KCNIP1: variants seen among roughly 807,000 people sequenced by gnomAD.
The protein encoded by KCNIP1 is potassium voltage-gated channel interacting protein 1.
In KCNIP1, 18 loss-of-function variants were observed where a neutral mutation model predicts 33.0. The observed-to-expected ratio is 0.55, with a 90% CI of 0.38 to 0.81. The LOEUF (loss-of-function observed/expected upper bound fraction) is 0.81, where lower values mean the gene tolerates loss of function less well. Among genes scored for constraint, KCNIP1 ranks in the 30% least tolerant of loss-of-function variants. KCNIP1 has a pLI of 0.00. For missense variants in KCNIP1, 238 were observed against 271.6 expected (o/e 0.88, Z 0.87); for synonymous variants, 93 against 98.3 (o/e 0.95, Z 0.32).
intron 2 of KCNIP1, among the ~76,000 whole-genome samples, chr5:170,719,645 A>G (rs965929819): frequency 9.2e-5 from 14 of 152,088 alleles, no homozygotes; most frequent in Non-Finnish European, 1.6e-4. Context: ...TCAGTTCCAA[A>G]CTGACCACAG....
intron 1 of KCNIP1, among the ~76,000 whole-genome samples, chr5:170,623,014 A>C (rs1464964122): frequency 1.3e-5 from 2 of 152,210 alleles, no homozygotes; most frequent in African/African-American, 4.8e-5. Flanking sequence ...GATTCTCATA[A>C]GGAGTGAGCA....
At chr5:170,578,318 T>A (rs1757673908) in intron 1 of KCNIP1, among the ~76,000 whole-genome samples, 1 of 151,896 alleles carries the variant, frequency 6.6e-6, no homozygotes, top group Admixed American at 6.6e-5. Flanking sequence ...ATTCAAAGAG[T>A]CTGAGAAAGT....
chr5:170,444,880 C>T, intron 1 of KCNIP1, among the ~76,000 whole-genome samples: 1 of 152,062 alleles, frequency 6.6e-6, no homozygotes, highest in Middle Eastern at 3.2e-3. Flanking sequence ...AAATAAAACC[C>T]CCTCCAGCTG....
At chr5:170,563,348 A>G (rs565532560) in intron 1 of KCNIP1, among the ~76,000 whole-genome samples, 1 of 152,288 alleles carries the variant, frequency 6.6e-6, no homozygotes, top group South Asian at 2.1e-4. Flanking sequence ...AGTGGCTGCT[A>G]TTGATGGAAC....
At chr5:170,455,472 T>G (rs1039550192) in intron 1 of KCNIP1, among the ~76,000 whole-genome samples, 1 of 152,238 alleles carries the variant, frequency 6.6e-6, no homozygotes, top group African/African-American at 2.4e-5. Flanking sequence ...CCCAAAGTGC[T>G]GGGATTATAG....
intron 1 of KCNIP1, among the ~76,000 whole-genome samples, chr5:170,512,785 C>T (rs1581258072): frequency 6.6e-6 from 1 of 152,226 alleles, no homozygotes; most frequent in Middle Eastern, 3.4e-3. Flanking sequence ...CGCGGTGGCT[C>T]ACGCCTGTAA....
chr5:170,456,876 G>T (rs542646100), intron 1 of KCNIP1, among the ~76,000 whole-genome samples: 34 of 151,922 alleles, frequency 2.2e-4, no homozygotes, highest in Middle Eastern at 3.4e-3. Context: ...GCACCACCAT[G>T]TCCAGCTAAT....
chr5:170,568,177 T>C (rs1257200511), intron 1 of KCNIP1, among the ~76,000 whole-genome samples: 1 of 152,206 alleles, frequency 6.6e-6, no homozygotes, highest in Non-Finnish European at 1.5e-5. Flanking sequence ...GCCATTCTTA[T>C]TGCTGGAACA....
rs1763572667 is a variant in KCNIP1, at chr5:170,714,430, G to C, written c.62-4328G>C. ...CAAAGCCAGTTAGTGAGAAGGTTTA[G>C]AAGAGATCTCCTATGCTAGAATAGC... is the stretch of plus-strand genomic sequence containing the variant. On this transcript the variant is annotated intron_variant, in intron 1 of 7. Transcript: ENST00000328939. 2.0e-5 allele frequency among the ~76,000 whole-genome samples: 3 copies of C among 152,212 alleles called. No individual in the cohort carries two copies. In the South Asian group the frequency reaches 6.2e-4, roughly 32 times the overall value.
At chr5:170,509,468 T>A (rs767585040) in intron 1 of KCNIP1, among the ~76,000 whole-genome samples, 8 of 152,256 alleles carry the variant, frequency 5.3e-5, no homozygotes, top group Admixed American at 1.3e-4. Context: ...GACCTCTTTG[T>A]CTGCCTGGAA....
intron 5 of KCNIP1, among the ~76,000 whole-genome samples, chr5:170,724,317 G>A (rs1484564317): frequency 1.3e-5 from 2 of 152,070 alleles, no homozygotes; most frequent in African/African-American, 4.8e-5. Flanking sequence ...AGAAAAAAAG[G>A]TCTTATGAAA....
chr5:170,705,502 C>G (rs781007703), intron 1 of KCNIP1, among the ~76,000 whole-genome samples: 1 of 152,206 alleles, frequency 6.6e-6, no homozygotes, highest in Admixed American at 6.5e-5. Flanking sequence ...TAGTGGCCAT[C>G]AGTTGTTATG....
intron 1 of KCNIP1, among the ~76,000 whole-genome samples, chr5:170,373,692 G>A: frequency 6.6e-6 from 1 of 152,156 alleles, no homozygotes; most frequent in Non-Finnish European, 1.5e-5. Context: ...GCTTTAGAAA[G>A]GCACCTAGAA....
At chr5:170,550,698 A>AATG (rs1360206101) in intron 1 of KCNIP1, among the ~76,000 whole-genome samples, 1 of 151,476 alleles carries the variant, frequency 6.6e-6, no homozygotes, top group East Asian at 1.9e-4. Flanking sequence ...TGGTGATGAC[A>AATG]ATGATGGTAA....
intron 1 of KCNIP1, among the ~76,000 whole-genome samples, chr5:170,598,904 C>CGTGTGTGTGTGTGTGTGTGTGT (rs70979192): frequency 2.7e-4 from 36 of 133,866 alleles, no homozygotes; most frequent in African/African-American, 9.2e-4. Context: ...TGTGTGTGCG[C>CGTGTGTGTGTGTGTGTGTGTGT]GTGTGTGTGT....
intron 1 of KCNIP1, among the ~76,000 whole-genome samples, chr5:170,573,618 G>A (rs1481718991): frequency 1.3e-5 from 2 of 151,982 alleles, no homozygotes; most frequent in East Asian, 1.9e-4. Flanking sequence ...ACTGAAGAAT[G>A]GCTTCATGGT....
intron 1 of KCNIP1, among the ~76,000 whole-genome samples, chr5:170,578,944 A>G (rs1581351357): frequency 6.6e-6 from 1 of 152,210 alleles, no homozygotes; most frequent in East Asian, 1.9e-4. Flanking sequence ...CAATCTTGAT[A>G]TGCTTGAGGG....
At chr5:170,467,191 C>T (rs937818559) in intron 1 of KCNIP1, among the ~76,000 whole-genome samples, 7 of 152,016 alleles carry the variant, frequency 4.6e-5, no homozygotes, top group East Asian at 3.9e-4. Context: ...AGCAGCTGGC[C>T]GTGAGTCAGA....
chr5:170,632,705 G>C (rs1280825202), intron 1 of KCNIP1, among the ~76,000 whole-genome samples: 1 of 152,218 alleles, frequency 6.6e-6, no homozygotes, highest in East Asian at 1.9e-4. Flanking sequence ...TGCCTTCTCT[G>C]GGGGGACATT....
Sources: gnomAD v4.1 joint callset for allele counts (sites outside exome capture counted in the v4.1 genomes callset) on GRCh38, gnomAD v4.1.1 for gene constraint, MANE v1.5 for transcripts, NCBI Gene and HGNC (gene_info 2026-07-23, HGNC 2026-07-21) for gene names.